ZNF442: variants seen among roughly 807,000 people sequenced by gnomAD.
The protein encoded by ZNF442 is zinc finger protein 442.
ZNF442 carries 45 observed loss-of-function variants against 57.0 expected under a neutral mutation model. That is an observed-to-expected ratio of 0.79 (90% CI 0.62 to 1.01). ZNF442 has a LOEUF of 1.01. Among genes scored for constraint, ZNF442 ranks in the 50% least tolerant of loss-of-function variants. The pLI is 0.00. For synonymous variants in ZNF442, 213 were observed against 241.8 expected (o/e 0.88, Z 1.10); for missense variants, 690 against 756.5 (o/e 0.91, Z 1.03).
At chr19:12,372,415 C>T in the ZNF442 span, among the ~76,000 whole-genome samples, 1 of 151,634 alleles carries the variant, frequency 6.6e-6, no homozygotes, top group African/African-American at 2.4e-5. Context: ...GCCCAGATAG[C>T]ACCACTGCAC....
At chr19:12,371,484 G>T in the ZNF442 span, among the ~76,000 whole-genome samples, 1 of 152,120 alleles carries the variant, frequency 6.6e-6, no homozygotes, top group African/African-American at 2.4e-5. Context: ...GGTGTCAGGG[G>T]TTTATGTTCA....
At chr19:12,357,257 G>A (rs1969345842) in intron 3 of ZNF442, among the ~76,000 whole-genome samples, 1 of 151,442 alleles carries the variant, frequency 6.6e-6, no homozygotes, top group Admixed American at 6.6e-5. Flanking sequence ...AGCTGCTCCT[G>A]GGAAGCAGTT....
chr19:12,358,567 C>T (rs75114224), intron 3 of ZNF442, among the ~76,000 whole-genome samples: 7,361 of 152,236 alleles, frequency 0.048, 590 homozygotes, highest in African/African-American at 0.17. Context: ...ATATCTGAGA[C>T]ACTCAGCATA....
At chr19:12,369,447 C>T (rs1969563532), upstream of ZNF442, among the ~76,000 whole-genome samples, 1 of 151,858 alleles carries the variant, frequency 6.6e-6, no homozygotes, top group Non-Finnish European at 1.5e-5. Context: ...GGAGAAACCC[C>T]ATCTCTACTA....
At chr19:12,352,839 C>G (rs1354712233) in intron 4 of ZNF442, 149 bp downstream of exon 4, 1 of 854,034 alleles carries the variant, frequency 1.2e-6, no homozygotes, top group Non-Finnish European at 1.7e-6. Flanking sequence ...TGAATATGTA[C>G]AACTGGTTGG....
At position 12,351,248 on chromosome 19, in the gene ZNF442, C is replaced by T; in HGVS notation, c.337G>A (p.Val113Ile). 1 of 1,614,184 alleles carries T rather than the reference C, an allele frequency of 6.2e-7. No homozygotes were observed. Among genetic ancestry groups the T allele is most frequent in the Non-Finnish European group, 8.5e-7 (1 of 1,180,038 alleles). Residue 113 changes from valine (V) to isoleucine (I), a missense_variant, in exon 6 of 6, where the codon GTA (valine) becomes ATA (isoleucine). Transcript: ENST00000242804. ...CACACACTGCTTTTACATGGATCTACTCCAGGAGGTTTTTCATTCACAGTA... is the reference window on the plus strand; with the variant it reads ...CACACACTGCTTTTACATGGATCTATTCCAGGAGGTTTTTCATTCACAGTA... ...DSTVNEKPPG[V>I]DPCKSSVCGE...
rs1969196851 is a variant in ZNF442, at chr19:12,350,176, A to G, written c.1409T>C (p.Ile470Thr). Residue 470 changes from isoleucine (I) to threonine (T), a missense_variant, in exon 6 of 6, where the codon ATT becomes ACT. By Grantham distance (89) the Ile-to-Thr change is moderately conservative. Coordinates refer to ENST00000242804, the MANE Select transcript of ZNF442 (RefSeq NM_030824.3). ...PYKCKCGKAF[I>T]DFYSFQNHET... is the part of the protein sequence containing the mutation. ...ATGATTTTGAAAGGAATAGAAATCA[A>G]TAAAGGCTTTCCCACATTTACATTT... is the stretch of plus-strand genomic sequence containing the variant. 4 of 1,613,964 alleles carry G rather than the reference A, an allele frequency of 2.5e-6. No individual in the cohort carries two copies. In the East Asian group the frequency reaches 8.9e-5, roughly 36 times the overall value.
At chr19:12,351,741 T>G (rs1360556251) in intron 5 of ZNF442, 14 of 379,564 alleles carry the variant, frequency 3.7e-5, no homozygotes, top group Non-Finnish European at 6.2e-5. Flanking sequence ...CTTGACCTTG[T>G]GATCGCTCGC....
rs1255668215 is a variant in ZNF442 at position 12,350,128 on chromosome 19, TTC to T, written c.1455_1456del (p.Lys486AlafsTer3). On this transcript the variant is annotated frameshift_variant, in exon 6 of 6. Transcript: ENST00000242804. LOFTEE classifies it high-confidence loss of function. ...CCCACATTCCTTACACTCATATGGC[TTC>T]TCTCCAGTGTGAGTTGTTTCATGAT... The T allele has an allele frequency of 9.3e-6, 15 of 1,613,988 alleles. No homozygotes were observed. Among genetic ancestry groups the T allele is most frequent in the Non-Finnish European group, 1.3e-5 (15 of 1,180,020 alleles).
chr19:12,365,509 G>A (rs963934733), intron 1 of ZNF442, 24 bp downstream of exon 1: 3 of 562,376 alleles, frequency 5.3e-6, no homozygotes, highest in Non-Finnish European at 9.5e-6. Context: ...CCCTGCCCCA[G>A]GACGCCGGGC....
rs1969248054 is a variant in ZNF442, at chr19:12,352,057, T to C, written c.219A>G (p.Glu73=). 6.2e-7 allele frequency: 1 copy of C among 1,613,770 alleles called. No homozygotes were observed. Among genetic ancestry groups the C allele is most frequent in the Non-Finnish European group, 8.5e-7 (1 of 1,179,858 alleles). ...RNLDCIGMKW[E]DTNIEDQHRN... is the part of the protein sequence containing the mutation. Reference sequence around the variant, plus strand: ...TGTGCTGATCTTCAATGTTTGTGTCTTCCCATTTCATTCCTAAAAGGTGGA... The same window carrying C: ...TGTGCTGATCTTCAATGTTTGTGTCCTCCCATTTCATTCCTAAAAGGTGGA... Residue 73 remains glutamate, a synonymous_variant, in exon 5 of 6, where the codon GAA becomes GAG. Transcript: ENST00000242804.
intron 3 of ZNF442, among the ~76,000 whole-genome samples, chr19:12,354,481 CA>C (rs1365016534): frequency 6.6e-6 from 1 of 152,128 alleles, no homozygotes; most frequent in African/African-American, 2.4e-5. Context: ...AAGATATCCC[CA>C]AAACTAACAG....
At chr19:12,366,884 C>G (rs1219371655), upstream of ZNF442, among the ~76,000 whole-genome samples, 1 of 152,222 alleles carries the variant, frequency 6.6e-6, no homozygotes, top group Non-Finnish European at 1.5e-5. Flanking sequence ...ATCCGCCGGC[C>G]TCGGCCTCCC....
intron 2 of ZNF442, among the ~76,000 whole-genome samples, chr19:12,364,407 C>CAAAAAAAAAAAAAAAAAAA (rs35227073): frequency 1.1e-5 from 1 of 93,140 alleles, no homozygotes; most frequent in African/African-American, 4.0e-5. Context: ...AACTCCATCT[C>CAAAAAAAAAAAAAAAAAAA]AAAAAAAAAA....
In ZNF442 at chr19:12,351,771, G is replaced by A. The variant is rs537555503; in HGVS notation, c.266+239C>T. 1.4e-4 allele frequency: 61 copies of A among 436,166 alleles called. No individual in the cohort carries two copies. The South Asian group carries it at 1.6e-3, about 12-fold the overall frequency. 27.0% of individuals were successfully genotyped at this position (436,166 alleles called of 1,614,324 possible). A position where few individuals can be genotyped will look rare whatever the true frequency, so the allele number is the denominator to read the frequency against. On this transcript the variant is annotated intron_variant, in intron 5 of 5. Coordinates refer to ENST00000242804, the MANE Select transcript of ZNF442 (RefSeq NM_030824.3). ...GCTCGCCTTGGCCTCCCAAAGTGCT[G>A]GGATTACAGGCGTGAGCCACCGTGC... is the stretch of plus-strand genomic sequence containing the variant.
chr19:12,354,444 A>C (rs180966341), intron 3 of ZNF442, among the ~76,000 whole-genome samples: 1 of 152,378 alleles, frequency 6.6e-6, no homozygotes, highest in African/African-American at 2.4e-5. Flanking sequence ...TAAATAGCTA[A>C]ATCAGAACTT....
At chr19:12,357,019 T>C (rs1249889744) in intron 3 of ZNF442, among the ~76,000 whole-genome samples, 1 of 152,138 alleles carries the variant, frequency 6.6e-6, no homozygotes, top group Non-Finnish European at 1.5e-5. Context: ...AGAACTCAAG[T>C]CCCATGAACA....
intron 3 of ZNF442, among the ~76,000 whole-genome samples, chr19:12,359,585 T>C (rs1969389675): frequency 6.6e-6 from 1 of 152,140 alleles, no homozygotes; most frequent in Non-Finnish European, 1.5e-5. Context: ...TCCAGGACCG[T>C]GAACTTTGAC....
intron 5 of ZNF442, among the ~76,000 whole-genome samples, chr19:12,351,540 T>G (rs1247057569): frequency 3.2e-4 from 49 of 152,174 alleles, no homozygotes; most frequent in Non-Finnish European, 1.8e-4. Flanking sequence ...GGAGTCTCGC[T>G]CTGTCGCCAG....
Sources: gnomAD v4.1 joint callset for allele counts (sites outside exome capture counted in the v4.1 genomes callset) on GRCh38, gnomAD v4.1.1 for gene constraint, MANE v1.5 for transcripts, NCBI Gene and HGNC (gene_info 2026-07-23, HGNC 2026-07-21) for gene names.